PTPRD: variants seen among roughly 807,000 people sequenced by gnomAD.
PTPRD encodes the protein protein tyrosine phosphatase receptor type D.
PTPRD carries 34 observed loss-of-function variants against 214.5 expected under a neutral mutation model. The observed-to-expected ratio is 0.16, with a 90% CI of 0.12 to 0.21. PTPRD has a LOEUF of 0.21. Ranked by LOEUF, PTPRD falls within the 10% of genes least tolerant of loss-of-function variation. The pLI, the probability that PTPRD is intolerant of heterozygous loss-of-function variation, is 1.00. For missense variants in PTPRD, 2,545 were observed against 2,398.7 expected (o/e 1.06, Z -1.27); for synonymous variants, 1,128 against 845.7 (o/e 1.33, Z -5.79).
intron 6 of PTPRD, among the ~76,000 whole-genome samples, chr9:9,760,542 T>C (rs1052896415): frequency 6.7e-6 from 1 of 149,648 alleles, no homozygotes; most frequent in Non-Finnish European, 1.5e-5. Flanking sequence ...AGCCTCCTGA[T>C]TGTCTGTCTG....
intron 3 of PTPRD, among the ~76,000 whole-genome samples, chr9:10,244,933 T>C (rs1163786571): frequency 6.6e-6 from 1 of 152,170 alleles, no homozygotes; most frequent in South Asian, 2.1e-4. Flanking sequence ...ACAATTTATT[T>C]TGATTATCAG....
chr9:8,980,193 C>T (rs1589243144), intron 11 of PTPRD, among the ~76,000 whole-genome samples: 1 of 151,446 alleles, frequency 6.6e-6, no homozygotes, highest in Non-Finnish European at 1.5e-5. Context: ...GTCAAATACA[C>T]AGAGATAGAG....
chr9:9,369,666 T>C (rs1367283357), intron 9 of PTPRD, among the ~76,000 whole-genome samples: 1 of 152,180 alleles, frequency 6.6e-6, no homozygotes, highest in Admixed American at 6.6e-5. Flanking sequence ...TTTGGTGTTT[T>C]AGACATGAAG....
chr9:8,920,750 T>A (rs933668316), intron 11 of PTPRD, among the ~76,000 whole-genome samples: 4 of 152,230 alleles, frequency 2.6e-5, no homozygotes, highest in Non-Finnish European at 5.9e-5. Flanking sequence ...GACAGAATAC[T>A]AAAACATGAC....
chr9:8,340,953 C>G, intron 41 of PTPRD, 137 bp downstream of exon 41: 1 of 870,732 alleles, frequency 1.1e-6, no homozygotes, highest in East Asian at 2.8e-5. Context: ...AACAAAAAAA[C>G]AAATACCAAG....
chr9:8,998,604 C>T (rs1254354404), intron 11 of PTPRD, among the ~76,000 whole-genome samples: 3 of 152,032 alleles, frequency 2.0e-5, no homozygotes, highest in Admixed American at 6.6e-5. Context: ...CCTGCTAATA[C>T]AACATTCATT....
chr9:10,157,649 T>C (rs1365025357), intron 3 of PTPRD, among the ~76,000 whole-genome samples: 1 of 152,112 alleles, frequency 6.6e-6, no homozygotes, highest in African/African-American at 2.4e-5. Flanking sequence ...TTACTGGGTT[T>C]CTCGACATTT....
At chr9:9,448,740 A>G (rs949755611) in intron 8 of PTPRD, among the ~76,000 whole-genome samples, 1 of 152,026 alleles carries the variant, frequency 6.6e-6, no homozygotes, top group Non-Finnish European at 1.5e-5. Flanking sequence ...AGGTCAGCCT[A>G]CATTCTTGGT....
chr9:8,870,543 G>A (rs1490157322), intron 11 of PTPRD, among the ~76,000 whole-genome samples: 1 of 152,104 alleles, frequency 6.6e-6, no homozygotes, highest in Non-Finnish European at 1.5e-5. Context: ...CCCAACCTTA[G>A]TAATGCCCTC....
At chr9:10,325,876 T>C (rs1251707777) in intron 3 of PTPRD, among the ~76,000 whole-genome samples, 1 of 151,864 alleles carries the variant, frequency 6.6e-6, no homozygotes, top group African/African-American at 2.4e-5. Context: ...AGGATAATTT[T>C]TCATTAGTTT....
chr9:8,585,978 G>A (rs2093621818), intron 14 of PTPRD, among the ~76,000 whole-genome samples: 1 of 149,804 alleles, frequency 6.7e-6, no homozygotes, highest in South Asian at 2.1e-4. Context: ...TAAACAATTT[G>A]TGGATTTAAC....
intron 8 of PTPRD, among the ~76,000 whole-genome samples, chr9:9,564,861 C>G (rs1384027535): frequency 1.9e-5 from 2 of 102,726 alleles, no homozygotes; most frequent in African/African-American, 6.9e-5. Context: ...GTAAGCTGAA[C>G]AAAAGAGAGA....
At chr9:10,593,071 C>T (rs932484935) in intron 2 of PTPRD, among the ~76,000 whole-genome samples, 1 of 151,996 alleles carries the variant, frequency 6.6e-6, no homozygotes, top group African/African-American at 2.4e-5. Context: ...GTCAGCAAGA[C>T]CACGAACCCA....
At chr9:9,452,441 A>T (rs1347092759) in intron 8 of PTPRD, among the ~76,000 whole-genome samples, 1 of 151,520 alleles carries the variant, frequency 6.6e-6, no homozygotes, top group Non-Finnish European at 1.5e-5. Flanking sequence ...ATGGGAAAAA[A>T]TACTGGTGAA....
At chr9:10,222,580 C>A (rs73641888) in intron 3 of PTPRD, among the ~76,000 whole-genome samples, 6 of 152,022 alleles carry the variant, frequency 3.9e-5, no homozygotes, top group African/African-American at 4.8e-5. Context: ...CTCACTATTA[C>A]GTATCATCCT....
intron 2 of PTPRD, among the ~76,000 whole-genome samples, chr9:10,407,042 T>C (rs994912868): frequency 1.3e-5 from 2 of 151,630 alleles, no homozygotes; most frequent in African/African-American, 2.4e-5. Context: ...ATTTTCTTAA[T>C]GTTTACTTAC....
At chr9:9,211,111 G>C (rs893329990) in intron 9 of PTPRD, among the ~76,000 whole-genome samples, 3 of 151,832 alleles carry the variant, frequency 2.0e-5, no homozygotes, top group African/African-American at 7.3e-5. Flanking sequence ...TTGTGTTGGA[G>C]TACATTCTGG....
intron 5 of PTPRD, among the ~76,000 whole-genome samples, chr9:9,841,527 T>G (rs2153637293): frequency 6.6e-6 from 1 of 152,264 alleles, no homozygotes; most frequent in East Asian, 1.9e-4. Context: ...AGTATTATTT[T>G]TACATATTTC....
chr9:8,567,630 G>A (rs1017381012), intron 14 of PTPRD, among the ~76,000 whole-genome samples: 6 of 152,134 alleles, frequency 3.9e-5, no homozygotes, highest in East Asian at 1.9e-4. Flanking sequence ...TTATATTTGC[G>A]TGTAATCTCC....
Sources: allele counts gnomAD v4.1 joint callset (sites outside exome capture counted in the v4.1 genomes callset), GRCh38; gene constraint gnomAD v4.1.1; transcripts MANE v1.5; gene names NCBI Gene and HGNC (gene_info 2026-07-23, HGNC 2026-07-21).